Variants in MTMR6 observed in about 807,000 individuals in gnomAD.
MTMR6 encodes phosphatidylinositol-3,5-bisphosphate 3-phosphatase MTMR6.
MTMR6 carries 47 observed loss-of-function variants against 80.1 expected under a neutral mutation model. That is an observed-to-expected ratio of 0.59 (90% CI 0.46 to 0.75). MTMR6 has a LOEUF of 0.75. MTMR6 is among the 30% of genes least tolerant of loss of function. The probability of loss-of-function intolerance (pLI) is 0.00; values close to 1 mark genes in which losing one functional copy is unlikely to be tolerated. For synonymous variants in MTMR6, 254 were observed against 253.0 expected, an observed-to-expected ratio of 1.00 and a Z score of -0.04; for missense variants, 629 against 730.9, an observed-to-expected ratio of 0.86 and a Z score of 1.61.
chr13:25,257,182 A>T lies in MTMR6; in HGVS notation c.1095+14T>A. 6.2e-7 allele frequency: 1 copy of T among 1,610,872 alleles called. No homozygotes were observed. The highest frequency in any genetic ancestry group is 8.5e-7 in the Non-Finnish European group (1 of 1,178,290). On this transcript the variant is annotated intron_variant, in intron 9 of 13. Coordinates refer to ENST00000381801, the MANE Select transcript of MTMR6 (RefSeq NM_004685.5). Reference sequence around the variant, plus strand: ...CTACTTAAGAACCATTGGTCTAACCAAATAAATCCTTACCATGAATCCTTT... The same window carrying T: ...CTACTTAAGAACCATTGGTCTAACCTAATAAATCCTTACCATGAATCCTTT...
intron 5 of MTMR6, 47 bp from the exon 6 acceptor site, chr13:25,261,849 T>C (rs766054536): frequency 1.3e-6 from 2 of 1,538,762 alleles, no homozygotes; most frequent in Non-Finnish European, 1.8e-6. Context: ...ATCTCTAAAA[T>C]GTCTTTAAAG....
At chr13:25,263,544 G>A (rs1957385089) in intron 5 of MTMR6, among the ~76,000 whole-genome samples, 2 of 152,092 alleles carry the variant, frequency 1.3e-5, no homozygotes, top group Admixed American at 6.5e-5. Flanking sequence ...ATACACATTG[G>A]GACCAAAATT....
Position 25,248,807 on chromosome 13 carries a change from T to C in MTMR6, c.*425A>G, listed in dbSNP as rs971780973. On this transcript the variant is annotated 3_prime_UTR_variant, in exon 14 of 14. Transcript: ENST00000381801. ...TTAAATATCACTAAAAGGCAAAATA[T>C]GTAAATATTCATAGTTACAAAGCTA... 1 of 154,552 alleles carries C rather than the reference T, an allele frequency of 6.5e-6. No homozygotes were observed. Among genetic ancestry groups the C allele is most frequent in the Non-Finnish European group, 1.4e-5 (1 of 69,438 alleles). 9.6% of individuals were successfully genotyped at this position (154,552 alleles called of 1,614,324 possible).
At chr13:25,284,790 G>C (rs779954425) in intron 1 of MTMR6, among the ~76,000 whole-genome samples, 1 of 152,126 alleles carries the variant, frequency 6.6e-6, no homozygotes, top group Non-Finnish European at 1.5e-5. Context: ...AATAATTTAA[G>C]AACATGTTAC....
intron 1 of MTMR6, among the ~76,000 whole-genome samples, chr13:25,278,281 C>T (rs1957770325): frequency 6.6e-6 from 1 of 152,150 alleles, no homozygotes; most frequent in Non-Finnish European, 1.5e-5. Context: ...GAGCTTATTA[C>T]AACTTTGATC....
chr13:25,263,189 T>G (rs1400155482), intron 5 of MTMR6, among the ~76,000 whole-genome samples: 4 of 152,220 alleles, frequency 2.6e-5, no homozygotes. Context: ...CAAAGAAAGC[T>G]GCTAACTCCC....
chr13:25,280,899 A>C (rs1957827995), intron 1 of MTMR6, among the ~76,000 whole-genome samples: 1 of 152,222 alleles, frequency 6.6e-6, no homozygotes, highest in South Asian at 2.1e-4. Flanking sequence ...TATTTAGTTG[A>C]ATTGTTGCCA....
In MTMR6 at chr13:25,247,882, T is replaced by C. The variant is rs1214108820; in HGVS notation, c.*1350A>G. ...TGCCTAATACTCGAATTGTACTTCA[T>C]GCCACCATGTTATTTAAATTTTCAA... On this transcript the variant is annotated 3_prime_UTR_variant, in exon 14 of 14. Coordinates refer to ENST00000381801, the MANE Select transcript of MTMR6 (RefSeq NM_004685.5). 6.6e-6 allele frequency: 1 copy of C among 152,162 alleles called. No homozygotes were observed. Among genetic ancestry groups the C allele is most frequent in the Non-Finnish European group, 1.5e-5 (1 of 67,974 alleles). The allele number at this position is 152,162 out of a possible 1,614,324, so 9.4% of individuals were successfully genotyped here. A position where few individuals can be genotyped will look rare whatever the true frequency, so the allele number is the denominator to read the frequency against.
chr13:25,256,426 G>A (rs1054304177), intron 9 of MTMR6, among the ~76,000 whole-genome samples: 3 of 152,112 alleles, frequency 2.0e-5, no homozygotes, highest in African/African-American at 4.8e-5. Context: ...AAAAAATAGC[G>A]GTGCTGAAAA....
chr13:25,267,947 G>A lies in MTMR6; in HGVS notation c.142-6C>T. 2.5e-6 allele frequency: 4 copies of A among 1,575,688 alleles called. No individual in the cohort carries two copies. The highest frequency in any genetic ancestry group is 3.4e-6 in the Non-Finnish European group (4 of 1,161,616). On this transcript the variant is annotated splice_polypyrimidine_tract_variant and splice_region_variant and intron_variant, in intron 2 of 13. Coordinates refer to ENST00000381801, the MANE Select transcript of MTMR6 (RefSeq NM_004685.5). ...GCAATATGGTGGTGTAATATCTACA[G>A]CATGAAAAAACATCCAGGTCATCAA...
chr13:25,265,289 C>A (rs76181784), intron 5 of MTMR6, among the ~76,000 whole-genome samples: 1,982 of 152,142 alleles, frequency 0.013, 61 homozygotes, highest in African/African-American at 0.045. Context: ...TTAACTAATT[C>A]TATTATTTTC....
At chr13:25,281,982 A>C (rs1957859587) in intron 1 of MTMR6, among the ~76,000 whole-genome samples, 1 of 152,154 alleles carries the variant, frequency 6.6e-6, no homozygotes, top group Non-Finnish European at 1.5e-5. Flanking sequence ...ATCTCACTCA[A>C]AAAAAGCAAA....
At position 25,287,402 on chromosome 13, in the gene MTMR6, G is replaced by T; in HGVS notation, c.-155C>A. 1.0e-6 allele frequency: 1 copy of T among 984,038 alleles called. No homozygotes were observed. Among genetic ancestry groups the T allele is most frequent in the Non-Finnish European group, 1.5e-6 (1 of 653,308 alleles). 61.0% of individuals were successfully genotyped at this position (984,038 alleles called of 1,614,324 possible). A position where few individuals can be genotyped will look rare whatever the true frequency, so the allele number is the denominator to read the frequency against. On this transcript the variant is annotated 5_prime_UTR_variant, in exon 1 of 14. Coordinates refer to ENST00000381801, the MANE Select transcript of MTMR6 (RefSeq NM_004685.5). ...CCCCGGTGGCGTCAACGGCGCAGGT[G>T]CAGCCGGTGAGCGCCGTCTCCTAGA...
At chr13:25,271,108 C>T (rs141965925) in intron 2 of MTMR6, among the ~76,000 whole-genome samples, 3 of 152,102 alleles carry the variant, frequency 2.0e-5, no homozygotes, top group Admixed American at 6.5e-5. Flanking sequence ...TTCCTCCCCC[C>T]CTTCCTTACT....
At chr13:25,268,508 A>G (rs1025995005) in intron 2 of MTMR6, among the ~76,000 whole-genome samples, 12 of 152,184 alleles carry the variant, frequency 7.9e-5, no homozygotes, top group Admixed American at 7.9e-4. Flanking sequence ...AATACTGTTA[A>G]CACTACCTCT....
chr13:25,287,076 C>G (rs1566046786), intron 1 of MTMR6, 148 bp downstream of exon 1: 1 of 1,161,156 alleles, frequency 8.6e-7, no homozygotes, highest in Non-Finnish European at 1.2e-6. Context: ...CCCTCCCAGA[C>G]CAGGCCTGGC....
chr13:25,261,303 T>TTA (rs1471650543), intron 6 of MTMR6, among the ~76,000 whole-genome samples: 1 of 40,838 alleles, frequency 2.4e-5, no homozygotes, highest in Non-Finnish European at 4.4e-5. Context: ...AACTCTGTCT[T>TTA]AAAAAAAAAA....
chr13:25,267,426 C>T (rs935277449), intron 3 of MTMR6, among the ~76,000 whole-genome samples: 2 of 152,020 alleles, frequency 1.3e-5, no homozygotes, highest in African/African-American at 2.4e-5. Context: ...TTTATCATTC[C>T]GTAATATCAA....
At chr13:25,273,631 T>C (rs1957633217) in intron 2 of MTMR6, among the ~76,000 whole-genome samples, 1 of 150,968 alleles carries the variant, frequency 6.6e-6, no homozygotes, top group East Asian at 2.0e-4. Flanking sequence ...GTTCAAGCAA[T>C]TCTCCTGCCT....
Sources: allele counts gnomAD v4.1 joint callset (sites outside exome capture counted in the v4.1 genomes callset), GRCh38; gene constraint gnomAD v4.1.1; transcripts MANE v1.5; gene names NCBI Gene and HGNC (gene_info 2026-07-23, HGNC 2026-07-21).